Variants in TAB2 observed in about 807,000 individuals in gnomAD.
The protein encoded by TAB2 is TGF-beta-activated kinase 1 and MAP3K7-binding protein 2.
A neutral mutation model predicts 65.0 loss-of-function variants in TAB2; 3 were observed. The ratio of observed to expected loss-of-function variants is 0.05; its 90% CI spans 0.02 to 0.12. The LOEUF (loss-of-function observed/expected upper bound fraction) is 0.12, where lower values mean the gene tolerates loss of function less well. Ranked by LOEUF, TAB2 falls within the 10% of genes least tolerant of loss-of-function variation. The pLI, the probability that TAB2 is intolerant of heterozygous loss-of-function variation, is 1.00. For missense variants in TAB2, 623 were observed against 840.3 expected (o/e 0.74, Z 3.20); for synonymous variants, 298 against 285.1 (o/e 1.05, Z -0.46).
At chr6:149,337,855 AGGGT>A (rs1177320621) in intron 1 of TAB2, among the ~76,000 whole-genome samples, 1 of 152,178 alleles carries the variant, frequency 6.6e-6, no homozygotes, top group Non-Finnish European at 1.5e-5. Context: ...TGATAGGGAT[AGGGT>A]GGTAAGCAGT....
intron 1 of TAB2, among the ~76,000 whole-genome samples, chr6:149,352,957 A>G (rs2114810328): frequency 6.6e-6 from 1 of 152,280 alleles, no homozygotes; most frequent in East Asian, 1.9e-4. Flanking sequence ...GGAGCTTTTA[A>G]GGTTTTGGCA....
At chr6:149,359,043 T>G (rs1438144381) in intron 1 of TAB2, among the ~76,000 whole-genome samples, 1 of 152,146 alleles carries the variant, frequency 6.6e-6, no homozygotes, top group Admixed American at 6.5e-5. Flanking sequence ...ATCTCCACAG[T>G]CATTTTAAAT....
intron 1 of TAB2, among the ~76,000 whole-genome samples, chr6:149,220,621 G>A (rs1451231978): frequency 6.6e-6 from 1 of 152,126 alleles, no homozygotes; most frequent in East Asian, 1.9e-4. Flanking sequence ...GTTTTTGATT[G>A]TTCATTTGCT....
chr6:149,396,635 G>A (rs1055364423), intron 3 of TAB2, among the ~76,000 whole-genome samples: 1 of 152,176 alleles, frequency 6.6e-6, no homozygotes, highest in Admixed American at 6.5e-5. Context: ...TTCATGTCCA[G>A]GGACAGATCA....
At chr6:149,338,368 A>G (rs1779996823) in intron 1 of TAB2, among the ~76,000 whole-genome samples, 1 of 152,184 alleles carries the variant, frequency 6.6e-6, no homozygotes, top group East Asian at 1.9e-4. Context: ...TGTAATAACC[A>G]TTGAGGAGAG....
intron 1 of TAB2, among the ~76,000 whole-genome samples, chr6:149,290,366 C>G (rs1219406453): frequency 2.6e-5 from 4 of 152,146 alleles, no homozygotes; most frequent in African/African-American, 9.7e-5. Flanking sequence ...ACCCTCTGCA[C>G]CCTTCACCCC....
intron 1 of TAB2, chr6:149,304,050 C>T (rs1460578247): frequency 6.6e-6 from 1 of 152,246 alleles, no homozygotes; most frequent in African/African-American, 2.4e-5. Context: ...GTTTAAACAA[C>T]CTCTGCAGTT....
At chr6:149,231,763 T>C (rs1211847054) in intron 1 of TAB2, among the ~76,000 whole-genome samples, 1 of 152,194 alleles carries the variant, frequency 6.6e-6, no homozygotes, top group Admixed American at 6.5e-5. Flanking sequence ...GGAAGACATT[T>C]AGACCGTATC....
chr6:149,377,202 C>T (rs1245902000), intron 2 of TAB2, among the ~76,000 whole-genome samples: 1 of 151,598 alleles, frequency 6.6e-6, no homozygotes, highest in Non-Finnish European at 1.5e-5. Context: ...CTCCGAGTAG[C>T]TGGGACTACA....
chr6:149,383,616 A>T (rs12211570), intron 3 of TAB2, among the ~76,000 whole-genome samples: 35,885 of 151,988 alleles, frequency 0.24, 4,426 homozygotes, highest in Non-Finnish European at 0.26. Context: ...ATAGAGTCTC[A>T]CTGTCATCCA....
At chr6:149,233,460 C>A (rs1380344526) in intron 1 of TAB2, among the ~76,000 whole-genome samples, 1 of 152,196 alleles carries the variant, frequency 6.6e-6, no homozygotes, top group Non-Finnish European at 1.5e-5. Context: ...TGATTTGTCA[C>A]ACGTAAGTGT....
At chr6:149,331,699 C>G (rs1779790272) in intron 1 of TAB2, among the ~76,000 whole-genome samples, 1 of 152,026 alleles carries the variant, frequency 6.6e-6, no homozygotes, top group African/African-American at 2.4e-5. Context: ...TGAGGAAGTT[C>G]CCTTTTTATT....
intron 3 of TAB2, among the ~76,000 whole-genome samples, chr6:149,385,809 T>C (rs564076542): frequency 2.0e-5 from 3 of 152,338 alleles, no homozygotes; most frequent in African/African-American, 7.2e-5. Context: ...ACCTACTAGC[T>C]GGTTATTTCT....
chr6:149,367,771 A>G (rs1781088373), intron 1 of TAB2, among the ~76,000 whole-genome samples: 1 of 152,102 alleles, frequency 6.6e-6, no homozygotes, highest in Non-Finnish European at 1.5e-5. Context: ...AGAAGTCTTG[A>G]TGGTAGATTA....
At chr6:149,397,531 G>A in intron 3 of TAB2, 73 bp from the exon 4 acceptor site, 6 of 1,531,348 alleles carry the variant, frequency 3.9e-6, no homozygotes, top group Non-Finnish European at 5.4e-6. Flanking sequence ...ATTCTTGTTT[G>A]CTTTTCCAAG....
chr6:149,360,276 G>C (rs1780799449), intron 1 of TAB2, among the ~76,000 whole-genome samples: 3 of 152,134 alleles, frequency 2.0e-5, no homozygotes, highest in Admixed American at 2.0e-4. Flanking sequence ...AATTTAGAAA[G>C]AATAAGGGTT....
chr6:149,273,903 T>C (rs937894308), intron 1 of TAB2, among the ~76,000 whole-genome samples: 3 of 152,196 alleles, frequency 2.0e-5, no homozygotes, highest in African/African-American at 7.2e-5. Flanking sequence ...CTAATTTCAA[T>C]AAATTGGAAG....
chr6:149,335,563 A>G (rs1221821537), intron 1 of TAB2, among the ~76,000 whole-genome samples: 1 of 151,914 alleles, frequency 6.6e-6, no homozygotes, highest in Non-Finnish European at 1.5e-5. Flanking sequence ...TTGTAGAGGC[A>G]GGGTTTTGCT....
intron 1 of TAB2, among the ~76,000 whole-genome samples, chr6:149,365,704 C>T (rs1781018506): frequency 6.6e-6 from 1 of 151,320 alleles, no homozygotes; most frequent in East Asian, 1.9e-4. Context: ...TTTTTTTCTA[C>T]CTCATTCTTT....
Sources: gnomAD v4.1 joint callset for allele counts (sites outside exome capture counted in the v4.1 genomes callset) on GRCh38, gnomAD v4.1.1 for gene constraint, MANE v1.5 for transcripts, NCBI Gene and HGNC (gene_info 2026-07-23, HGNC 2026-07-21) for gene names.